The following PGM5 variants were observed in gnomAD, a reference collection of about 807,000 sequenced individuals.
PGM5 encodes the protein phosphoglucomutase 5, also known as phosphoglucomutase-like protein 5.
In PGM5, 23 loss-of-function variants were observed where a neutral mutation model predicts 59.2. The ratio of observed to expected loss-of-function variants is 0.39; its 90% CI spans 0.28 to 0.55. The LOEUF (loss-of-function observed/expected upper bound fraction) is 0.55, where lower values mean the gene tolerates loss of function less well. Among genes scored for constraint, PGM5 ranks in the 20% least tolerant of loss-of-function variants. The probability of loss-of-function intolerance (pLI) is 0.66; values close to 1 mark genes in which losing one functional copy is unlikely to be tolerated. For synonymous variants in PGM5, 214 were observed against 286.0 expected (o/e 0.75, Z 2.54); for missense variants, 574 against 748.3 (o/e 0.77, Z 2.72).
intron 7 of PGM5, among the ~76,000 whole-genome samples, chr9:68,467,075 G>A (rs1431273007): frequency 3.3e-5 from 5 of 152,174 alleles, no homozygotes; most frequent in African/African-American, 1.2e-4. Context: ...GGGAGCAGAA[G>A]GGCTTCATCC....
chr9:68,483,725 T>G, intron 8 of PGM5, 140 bp from the exon 9 acceptor site: 1 of 682,086 alleles, frequency 1.5e-6, no homozygotes, highest in Non-Finnish European at 2.5e-6. Context: ...AAGGGTCAGA[T>G]GAAAGAGGGG....
chr9:68,492,179 C>T (rs1163182544), intron 9 of PGM5, among the ~76,000 whole-genome samples: 2 of 152,080 alleles, frequency 1.3e-5, no homozygotes, highest in Non-Finnish European at 2.9e-5. Context: ...GGAAGCTATG[C>T]CGTTGTCTGG....
intron 6 of PGM5, among the ~76,000 whole-genome samples, chr9:68,423,371 T>C (rs1587804378): frequency 3.9e-5 from 6 of 152,296 alleles, no homozygotes; most frequent in African/African-American, 1.4e-4. Flanking sequence ...GTTCACCGCA[T>C]CCACACCAAC....
intron 10 of PGM5, among the ~76,000 whole-genome samples, chr9:68,506,101 C>T (rs1192357342): frequency 6.6e-6 from 1 of 152,334 alleles, no homozygotes; most frequent in East Asian, 1.9e-4. Context: ...GAAGTTTAGC[C>T]TAAAGCTGCC....
intron 6 of PGM5, among the ~76,000 whole-genome samples, chr9:68,413,168 T>C (rs1554681745): frequency 6.6e-6 from 1 of 152,064 alleles, no homozygotes; most frequent in Non-Finnish European, 1.5e-5. Context: ...TTAAAGGGAG[T>C]CATGTTCCTT....
intron 6 of PGM5, among the ~76,000 whole-genome samples, chr9:68,415,999 G>A (rs1371492673): frequency 1.3e-5 from 2 of 151,646 alleles, no homozygotes; most frequent in Non-Finnish European, 2.9e-5. Context: ...TTTAAAAGGG[G>A]CTGTCCAGTT....
At chr9:68,438,826 CTG>C (rs1401370329) in intron 6 of PGM5, among the ~76,000 whole-genome samples, 1 of 152,126 alleles carries the variant, frequency 6.6e-6, no homozygotes, top group African/African-American at 2.4e-5. Flanking sequence ...GAGAGAGTCT[CTG>C]TGTGTATGTT....
intron 10 of PGM5, among the ~76,000 whole-genome samples, chr9:68,526,232 A>G (rs907724396): frequency 5.3e-5 from 8 of 152,198 alleles, no homozygotes; most frequent in African/African-American, 1.9e-4. Context: ...AAGACTGAAC[A>G]TCAGTGAGGT....
At chr9:68,392,866 G>A (rs2778536) in intron 6 of PGM5, among the ~76,000 whole-genome samples, 16 of 152,176 alleles carry the variant, frequency 1.1e-4, no homozygotes, top group Admixed American at 1.0e-3. Flanking sequence ...ACCTGAAAGT[G>A]TGTATGTATA....
intron 1 of PGM5, among the ~76,000 whole-genome samples, chr9:68,362,204 C>G (rs2770900): frequency 6.6e-6 from 1 of 151,358 alleles, no homozygotes; most frequent in East Asian, 1.9e-4. Flanking sequence ...TAGTTCCTTC[C>G]GGGAAGGCAG....
intron 6 of PGM5, among the ~76,000 whole-genome samples, chr9:68,440,544 C>G (rs1029230663): frequency 6.6e-6 from 1 of 152,026 alleles, no homozygotes; most frequent in African/African-American, 2.4e-5. Context: ...GAAGAAGTTA[C>G]CTTTTATTCC....
At chr9:68,393,111 A>G (rs1822408568) in intron 6 of PGM5, among the ~76,000 whole-genome samples, 1 of 151,912 alleles carries the variant, frequency 6.6e-6, no homozygotes, top group African/African-American at 2.4e-5. Context: ...CTATCACCCT[A>G]TATTATAAAA....
intron 9 of PGM5, among the ~76,000 whole-genome samples, chr9:68,488,149 A>C (rs945386019): frequency 1.2e-4 from 19 of 152,216 alleles, no homozygotes; most frequent in Admixed American, 3.3e-4. Context: ...CAGAAAAAAA[A>C]CACACAATTT....
At chr9:68,477,820 T>C (rs1824130756) in intron 7 of PGM5, among the ~76,000 whole-genome samples, 1 of 152,226 alleles carries the variant, frequency 6.6e-6, no homozygotes, top group Non-Finnish European at 1.5e-5. Context: ...GTAGGGGCTG[T>C]TATTGTCCAT....
chr9:68,384,016 A>G (rs190976514), intron 2 of PGM5, among the ~76,000 whole-genome samples: 18 of 152,084 alleles, frequency 1.2e-4, no homozygotes. Context: ...GCTGCATGTA[A>G]ATCTGGAATC....
chr9:68,492,905 C>A (rs1436980893), intron 9 of PGM5, among the ~76,000 whole-genome samples: 1 of 152,214 alleles, frequency 6.6e-6, no homozygotes, highest in Non-Finnish European at 1.5e-5. Flanking sequence ...GAAGCAGTAT[C>A]TTCACCTTGA....
At chr9:68,509,252 C>G (rs775109338) in intron 10 of PGM5, among the ~76,000 whole-genome samples, 5 of 152,226 alleles carry the variant, frequency 3.3e-5, no homozygotes, top group African/African-American at 1.2e-4. Context: ...GCAGGCCTGA[C>G]AAACTCCAGG....
chr9:68,485,952 G>T (rs145803495), intron 9 of PGM5, among the ~76,000 whole-genome samples: 2 of 152,108 alleles, frequency 1.3e-5, no homozygotes, highest in African/African-American at 4.8e-5. Context: ...CTTTGCTGCC[G>T]TTGGTCCTGT....
chr9:68,379,881 A>AT (rs1554678172), intron 2 of PGM5, among the ~76,000 whole-genome samples: 1 of 152,080 alleles, frequency 6.6e-6, no homozygotes, highest in Admixed American at 6.6e-5. Context: ...AATGATAAAG[A>AT]GGTCATCTTA....
Sources: gnomAD v4.1 joint callset for allele counts (sites outside exome capture counted in the v4.1 genomes callset) on GRCh38, gnomAD v4.1.1 for gene constraint, MANE v1.5 for transcripts, NCBI Gene and HGNC (gene_info 2026-07-23, HGNC 2026-07-21) for gene names.